The following CDH13 variants were observed in gnomAD, a reference collection of about 807,000 sequenced individuals.
The protein encoded by CDH13 is cadherin-13.
CDH13 carries 24 observed loss-of-function variants against 63.8 expected under a neutral mutation model. That is an observed-to-expected ratio of 0.38 (90% CI 0.27 to 0.53). The LOEUF is 0.53. Ranked by LOEUF, CDH13 falls within the 20% of genes least tolerant of loss-of-function variation. The pLI, the probability that CDH13 is intolerant of heterozygous loss-of-function variation, is 0.85. For synonymous variants in CDH13, 503 were observed against 355.3 expected (o/e 1.42, Z -4.67); for missense variants, 1,049 against 903.1 (o/e 1.16, Z -2.07).
intron 8 of CDH13, among the ~76,000 whole-genome samples, chr16:83,663,765 T>C (rs1389809490): frequency 6.6e-6 from 1 of 152,174 alleles, no homozygotes; most frequent in African/African-American, 2.4e-5. Context: ...ATTTCTTTCT[T>C]TCCTGTGTGA....
intron 7 of CDH13, among the ~76,000 whole-genome samples, chr16:83,487,111 C>G (rs908575863): frequency 2.0e-5 from 3 of 152,122 alleles, no homozygotes; most frequent in African/African-American, 7.2e-5. Flanking sequence ...CCTGCATTCC[C>G]CCTTGAACCC....
At chr16:83,739,714 T>C (rs537287724) in intron 10 of CDH13, among the ~76,000 whole-genome samples, 11 of 152,264 alleles carry the variant, frequency 7.2e-5, no homozygotes, top group African/African-American at 2.6e-4. Context: ...GGGGGAGGGA[T>C]GAATGAGCAC....
intron 1 of CDH13, among the ~76,000 whole-genome samples, chr16:82,810,652 G>T (rs971357390): frequency 2.0e-5 from 3 of 152,136 alleles, no homozygotes; most frequent in Non-Finnish European, 4.4e-5. Context: ...AGCCCCCATG[G>T]CTGGTCAAGG....
intron 1 of CDH13, among the ~76,000 whole-genome samples, chr16:82,687,254 A>G (rs1259349205): frequency 6.6e-6 from 1 of 152,182 alleles, no homozygotes; most frequent in Non-Finnish European, 1.5e-5. Flanking sequence ...GTTTAGCACA[A>G]GGGGTAACTA....
In CDH13 at chr16:83,788,440, T is replaced by C. The variant is rs185451829; in HGVS notation, c.2134+4968T>C. Among the ~76,000 whole-genome samples the C allele has an allele frequency of 4.0e-5, 6 of 150,066 alleles. No homozygotes were observed. In the East Asian group the frequency reaches 1.0e-3, roughly 25 times the overall value. ...CACATTCTGCTACCAACACTCCCCA[T>C]ATATTAAGTATTAGTAAACATTGAA... is the stretch of plus-strand genomic sequence containing the variant. On this transcript the variant is annotated intron_variant, in intron 13 of 13. Coordinates refer to ENST00000567109, the MANE Select transcript of CDH13 (RefSeq NM_001257.5).
chr16:83,258,202 A>T (rs1483919773), intron 5 of CDH13, among the ~76,000 whole-genome samples: 1 of 152,248 alleles, frequency 6.6e-6, no homozygotes, highest in Non-Finnish European at 1.5e-5. Context: ...GCTGGAAAGC[A>T]TAGCTCTACA....
At chr16:82,720,580 G>C (rs2032705327) in intron 1 of CDH13, among the ~76,000 whole-genome samples, 1 of 151,980 alleles carries the variant, frequency 6.6e-6, no homozygotes, top group South Asian at 2.1e-4. Context: ...ACAACTTTGG[G>C]ATGTGGGAGG....
chr16:83,020,847 G>C (rs1424872824), intron 2 of CDH13, among the ~76,000 whole-genome samples: 1 of 152,108 alleles, frequency 6.6e-6, no homozygotes, highest in Non-Finnish European at 1.5e-5. Context: ...ACACAATCAG[G>C]GTCTGAATCC....
At chr16:83,634,553 A>G (rs1342415170) in intron 8 of CDH13, among the ~76,000 whole-genome samples, 1 of 151,960 alleles carries the variant, frequency 6.6e-6, no homozygotes, top group African/African-American at 2.4e-5. Context: ...GATGCCTGCC[A>G]CCATGCCCAG....
intron 2 of CDH13, among the ~76,000 whole-genome samples, chr16:82,915,270 T>C (rs921781176): frequency 6.6e-6 from 1 of 152,228 alleles, no homozygotes. Context: ...AAGAGTCTAA[T>C]GTAACAGGCT....
intron 4 of CDH13, among the ~76,000 whole-genome samples, chr16:83,170,720 T>C (rs1229125928): frequency 6.6e-6 from 1 of 152,136 alleles, no homozygotes; most frequent in African/African-American, 2.4e-5. Flanking sequence ...TAAATGCTTA[T>C]TGATGGAGTA....
chr16:83,120,763 C>CTTTTTTTTTTTTTTTTTTTTT (rs750711823), intron 3 of CDH13, among the ~76,000 whole-genome samples: 6 of 60,218 alleles, frequency 1.0e-4, no homozygotes, highest in East Asian at 5.4e-4. Context: ...AATTTTCTTT[C>CTTTTTTTTTTTTTTTTTTTTT]TTTTTTTTTT....
intron 8 of CDH13, among the ~76,000 whole-genome samples, chr16:83,657,256 T>C (rs1912951895): frequency 1.3e-5 from 2 of 152,206 alleles, no homozygotes; most frequent in Non-Finnish European, 1.5e-5. Context: ...TACCACTCCA[T>C]TGCTACATTG....
At chr16:82,941,177 T>C (rs1285974191) in intron 2 of CDH13, among the ~76,000 whole-genome samples, 1 of 152,236 alleles carries the variant, frequency 6.6e-6, no homozygotes, top group Admixed American at 6.5e-5. Flanking sequence ...TCCACATTCA[T>C]TTATTTATTC....
intron 5 of CDH13, among the ~76,000 whole-genome samples, chr16:83,257,603 A>G (rs1906454261): frequency 6.6e-6 from 1 of 152,144 alleles, no homozygotes; most frequent in South Asian, 2.1e-4. Context: ...ATTTTATTTT[A>G]TTTGTGGCTG....
At chr16:83,774,014 C>T (rs2151001370) in intron 11 of CDH13, among the ~76,000 whole-genome samples, 1 of 152,338 alleles carries the variant, frequency 6.6e-6, no homozygotes, top group South Asian at 2.1e-4. Context: ...CTTCACAAAC[C>T]TCCATCAGCA....
chr16:83,660,410 T>TCACTATAGGTCCCTCG (rs1913330997), intron 8 of CDH13, among the ~76,000 whole-genome samples: 2 of 152,208 alleles, frequency 1.3e-5, no homozygotes, highest in Non-Finnish European at 2.9e-5. Context: ...ACTATAGGGT[T>TCACTATAGGTCCCTCG]TGTGCTCCTA....
At chr16:83,247,585 C>T (rs1035517969) in intron 5 of CDH13, among the ~76,000 whole-genome samples, 1 of 151,958 alleles carries the variant, frequency 6.6e-6, no homozygotes, top group Non-Finnish European at 1.5e-5. Context: ...TCTTTAAATA[C>T]TTGATTTATT....
intron 5 of CDH13, among the ~76,000 whole-genome samples, chr16:83,344,147 C>T (rs1345295766): frequency 6.6e-6 from 1 of 152,188 alleles, no homozygotes; most frequent in Non-Finnish European, 1.5e-5. Context: ...GGTTGAATTA[C>T]GCACAGAAAA....
Sources: allele counts gnomAD v4.1 joint callset (sites outside exome capture counted in the v4.1 genomes callset), GRCh38; gene constraint gnomAD v4.1.1; transcripts MANE v1.5; gene names NCBI Gene and HGNC (gene_info 2026-07-23, HGNC 2026-07-21).